The following CLIC5 variants were observed in gnomAD, a reference collection of about 807,000 sequenced individuals.
CLIC5 encodes chloride intracellular channel protein 5.
In CLIC5, 20 loss-of-function variants were observed where a neutral mutation model predicts 24.7. The ratio of observed to expected loss-of-function variants is 0.81; its 90% CI spans 0.57 to 1.18. CLIC5 has a LOEUF of 1.18. CLIC5 is among the 50% of genes most tolerant of loss of function. The probability of loss-of-function intolerance (pLI) is 0.00; values close to 1 mark genes in which losing one functional copy is unlikely to be tolerated. For missense variants in CLIC5, 341 were observed against 326.1 expected (o/e 1.05, Z -0.35); for synonymous variants, 159 against 135.6 (o/e 1.17, Z -1.20).
chr6:45,984,716 G>A (rs1271589892), intron 1 of CLIC5, among the ~76,000 whole-genome samples: 1 of 152,218 alleles, frequency 6.6e-6, no homozygotes, highest in African/African-American at 2.4e-5. Flanking sequence ...GGACTTTAAA[G>A]GAAAAACATA....
At chr6:46,063,003 C>CAAAGTCTT (rs1055171718) in intron 1 of CLIC5, among the ~76,000 whole-genome samples, 9 of 152,106 alleles carry the variant, frequency 5.9e-5, no homozygotes, top group Non-Finnish European at 1.2e-4. Flanking sequence ...CTGCCTTTTG[C>CAAAGTCTT]AAAGTCTTTA....
intron 4 of CLIC5, among the ~76,000 whole-genome samples, chr6:45,925,375 G>A (rs955285689): frequency 1.3e-5 from 2 of 148,572 alleles, no homozygotes; most frequent in African/African-American, 5.0e-5. Flanking sequence ...GGAATGCAAT[G>A]GTGCGATCTC....
At chr6:46,047,368 A>C (rs1432194740) in intron 1 of CLIC5, among the ~76,000 whole-genome samples, 1 of 152,226 alleles carries the variant, frequency 6.6e-6, no homozygotes, top group African/African-American at 2.4e-5. Flanking sequence ...GTCATGACCC[A>C]AAGATGGTCA....
chr6:45,966,172 T>C (rs1480402867), intron 1 of CLIC5, among the ~76,000 whole-genome samples: 1 of 152,234 alleles, frequency 6.6e-6, no homozygotes, highest in Non-Finnish European at 1.5e-5. Flanking sequence ...TGAAAGCTTA[T>C]GACACTAAAA....
upstream of CLIC5, among the ~76,000 whole-genome samples, chr6:46,018,128 A>G (rs1459048034): frequency 6.6e-6 from 1 of 152,216 alleles, no homozygotes; most frequent in Non-Finnish European, 1.5e-5. Context: ...TGATGCACAG[A>G]CTCAGAACAT....
intron 1 of CLIC5, among the ~76,000 whole-genome samples, chr6:45,966,039 A>G (rs556276284): frequency 8.5e-5 from 13 of 152,302 alleles, no homozygotes; most frequent in African/African-American, 2.9e-4. Context: ...TGAGTTTTGA[A>G]TATAGCCTCT....
chr6:46,047,749 AGGAAT>A (rs1231353287), intron 1 of CLIC5, among the ~76,000 whole-genome samples: 1 of 152,216 alleles, frequency 6.6e-6, no homozygotes, highest in East Asian at 1.9e-4. Context: ...ATCCTAGTGG[AGGAAT>A]TGTGTTACCT....
the CLIC5 span, among the ~76,000 whole-genome samples, chr6:46,121,235 G>A: frequency 5.9e-5 from 9 of 152,194 alleles, no homozygotes; most frequent in Middle Eastern, 3.4e-3. Context: ...CTAATCTCTC[G>A]GCAGAAACTC....
the CLIC5 span, among the ~76,000 whole-genome samples, chr6:46,090,969 C>T: frequency 6.6e-6 from 1 of 152,154 alleles, no homozygotes; most frequent in African/African-American, 2.4e-5. Flanking sequence ...GTTATCAATC[C>T]AGCTGTTTAG....
chr6:46,074,287 A>C (rs115267544), intron 1 of CLIC5, among the ~76,000 whole-genome samples: 1 of 152,282 alleles, frequency 6.6e-6, no homozygotes, highest in African/African-American at 2.4e-5. Flanking sequence ...TTCTAATTAT[A>C]GTATTCTAAC....
chr6:45,942,146 A>G (rs1423400473), intron 3 of CLIC5, among the ~76,000 whole-genome samples: 1 of 152,208 alleles, frequency 6.6e-6, no homozygotes, highest in East Asian at 1.9e-4. Context: ...ATTTCTCCAA[A>G]GGAAGAATAC....
At chr6:46,077,840 T>C (rs1226777636) in intron 1 of CLIC5, among the ~76,000 whole-genome samples, 1 of 152,200 alleles carries the variant, frequency 6.6e-6, no homozygotes, top group Non-Finnish European at 1.5e-5. Context: ...ATTTTCCCTG[T>C]TGCTGGTACT....
At chr6:45,974,678 C>T (rs367865160) in intron 1 of CLIC5, among the ~76,000 whole-genome samples, 33 of 151,562 alleles carry the variant, frequency 2.2e-4, no homozygotes, top group African/African-American at 7.5e-4. Context: ...GGAGAGTCTT[C>T]ATATTTTCTT....
At chr6:45,988,567 CA>C (rs1273752958) in intron 1 of CLIC5, among the ~76,000 whole-genome samples, 1 of 152,184 alleles carries the variant, frequency 6.6e-6, no homozygotes, top group Non-Finnish European at 1.5e-5. Context: ...GCCATCTCTC[CA>C]AAGCATGAAT....
chr6:46,111,072 CA>C, the CLIC5 span, among the ~76,000 whole-genome samples: 2 of 152,086 alleles, frequency 1.3e-5, no homozygotes, highest in Non-Finnish European at 2.9e-5. Flanking sequence ...CAATTTCCTA[CA>C]ATTTGGGCTG....
rs1764388623 is a variant in CLIC5 at position 45,949,270 on chromosome 6, G to A, written c.285C>T (p.Thr95=). The A allele has an allele frequency of 3.1e-6, 5 of 1,613,422 alleles. No homozygotes were observed. The highest frequency in any genetic ancestry group is 4.2e-6 in the Non-Finnish European group (5 of 1,179,676). Reference sequence around the variant, plus strand: ...CAGATCCTTACTTTTCAGGGGTCAAGGTCTCCTCCAGGAACTCCTCGATCT... The same window carrying A: ...CAGATCCTTACTTTTCAGGGGTCAAAGTCTCCTCCAGGAACTCCTCGATCT... ...VNKIEEFLEE[T]LTPEKYPKLA... is the part of the protein sequence containing the mutation. The change falls in exon 3 of 6, where the codon ACC becomes ACT. Residue 95 remains threonine (T), a synonymous_variant. Coordinates refer to ENST00000339561, the MANE Select transcript of CLIC5 (RefSeq NM_016929.5).
chr6:46,081,026 C>A (rs1015617216), upstream of CLIC5, among the ~76,000 whole-genome samples: 1 of 152,096 alleles, frequency 6.6e-6, no homozygotes, highest in African/African-American at 2.4e-5. Context: ...GAATTGAGCA[C>A]AACAAAAGCG....
chr6:46,033,282 C>T (rs543169627), intron 1 of CLIC5, among the ~76,000 whole-genome samples: 119 of 151,354 alleles, frequency 7.9e-4, no homozygotes, highest in Non-Finnish European at 1.1e-3. Flanking sequence ...CCACCACACC[C>T]GGCCAAATCT....
chr6:45,921,132 C>T (rs1763242562), intron 4 of CLIC5, among the ~76,000 whole-genome samples: 1 of 152,176 alleles, frequency 6.6e-6, no homozygotes, highest in Non-Finnish European at 1.5e-5. Flanking sequence ...GTTTTCTCAT[C>T]CGCAGTGACC....
Sources: gnomAD v4.1 joint callset for allele counts (sites outside exome capture counted in the v4.1 genomes callset) on GRCh38, gnomAD v4.1.1 for gene constraint, MANE v1.5 for transcripts, NCBI Gene and HGNC (gene_info 2026-07-23, HGNC 2026-07-21) for gene names.